The following LASP1 variants were observed in gnomAD, a reference collection of about 807,000 sequenced individuals.
LASP1 encodes the protein LIM and SH3 protein 1.
LASP1 carries 10 observed loss-of-function variants against 38.6 expected under a neutral mutation model. That is an observed-to-expected ratio of 0.26 (90% confidence interval 0.16 to 0.44). The LOEUF (loss-of-function observed/expected upper bound fraction) is 0.44, where lower values mean the gene tolerates loss of function less well. LASP1 is among the 20% of genes least tolerant of loss of function. The pLI, the probability that LASP1 is intolerant of heterozygous loss-of-function variation, is 1.00. For missense variants in LASP1, 243 were observed against 375.7 expected (o/e 0.65, Z 2.92); for synonymous variants, 132 against 140.8 (o/e 0.94, Z 0.44).
intron 4 of LASP1, among the ~76,000 whole-genome samples, chr17:38,908,478 C>T (rs990609256): frequency 1.3e-5 from 2 of 152,208 alleles, no homozygotes; most frequent in Non-Finnish European, 2.9e-5. Flanking sequence ...GTGAGAACAT[C>T]ACCTGGAGTG....
At chr17:38,870,421 T>C (rs1204792705) in intron 1 of LASP1, among the ~76,000 whole-genome samples, 163 bp downstream of exon 1, 5 of 152,150 alleles carry the variant, frequency 3.3e-5, no homozygotes, top group Non-Finnish European at 5.9e-5. Flanking sequence ...CATCCCAGTC[T>C]GAAAACCAGG....
chr17:38,903,466 C>T (rs1343270720), intron 4 of LASP1, among the ~76,000 whole-genome samples: 5 of 152,112 alleles, frequency 3.3e-5, no homozygotes, highest in African/African-American at 1.2e-4. Context: ...CACAAGTGGT[C>T]CTCTCCCGTC....
intron 3 of LASP1, 121 bp from the exon 4 acceptor site, chr17:38,898,291 A>G (rs1265684550): frequency 6.6e-6 from 4 of 610,106 alleles, no homozygotes; most frequent in South Asian, 4.0e-5. Flanking sequence ...ACTTCTGATC[A>G]GGGTCTTTCT....
chr17:38,880,805 TAAA>T (rs1913925985), intron 2 of LASP1, among the ~76,000 whole-genome samples: 1 of 152,146 alleles, frequency 6.6e-6, no homozygotes, highest in Non-Finnish European at 1.5e-5. Context: ...TCCCCATGGT[TAAA>T]AATTCCTGCC....
Position 38,919,246 on chromosome 17 carries a change from T to C in LASP1, c.*468T>C, listed in dbSNP as rs935807894. Reference sequence around the variant, plus strand: ...GGGATGGCGATGGGGACTCTGCCGCTGTGTAGGGACCAGTGGGATGGGCTC... The same window carrying C: ...GGGATGGCGATGGGGACTCTGCCGCCGTGTAGGGACCAGTGGGATGGGCTC... On this transcript the variant is annotated 3_prime_UTR_variant, in exon 7 of 7. Coordinates refer to ENST00000318008, the MANE Select transcript of LASP1 (RefSeq NM_006148.4). 1.2e-4 allele frequency: 30 copies of C among 257,560 alleles called. No homozygotes were observed. Among genetic ancestry groups the C allele is most frequent in the African/African-American group, 6.5e-4 (30 of 45,936 alleles). The allele number at this position is 257,560 out of a possible 1,614,324, so 16.0% of individuals were successfully genotyped here. A position where few individuals can be genotyped will look rare whatever the true frequency, so the allele number is the denominator to read the frequency against.
At chr17:38,891,942 G>A (rs1914338593) in intron 3 of LASP1, among the ~76,000 whole-genome samples, 1 of 151,514 alleles carries the variant, frequency 6.6e-6, no homozygotes, top group African/African-American at 2.4e-5. Context: ...AAAAAAAAAC[G>A]AGCAGAGATG....
chr17:38,895,178 A>T (rs1372424699), intron 3 of LASP1, among the ~76,000 whole-genome samples: 2 of 145,666 alleles, frequency 1.4e-5, no homozygotes, highest in African/African-American at 5.0e-5. Flanking sequence ...ATTTTTATTA[A>T]TTTTTTTTTT....
In LASP1 at chr17:38,919,086, GT is replaced by G. The variant is rs1205189003; in HGVS notation, c.*310del. The G allele has an allele frequency of 9.4e-6, 4 of 423,846 alleles. No homozygotes were observed. The East Asian group carries it at 1.7e-4, about 18-fold the overall frequency. The allele number at this position is 423,846 out of a possible 1,614,324, so 26.3% of individuals were successfully genotyped here. A position where few individuals can be genotyped will look rare whatever the true frequency, so the allele number is the denominator to read the frequency against. Reference sequence around the variant, plus strand: ...GCCTGTGGGCCTCACCTGCCCCTCTGTTCTCTCCCCTCACATCCTCCTGCCC... The same window carrying G: ...GCCTGTGGGCCTCACCTGCCCCTCTGTCTCTCCCCTCACATCCTCCTGCCC... On this transcript the variant is annotated 3_prime_UTR_variant, in exon 7 of 7. Transcript: ENST00000318008.
At chr17:38,902,346 C>T (rs1036552037) in intron 4 of LASP1, among the ~76,000 whole-genome samples, 2 of 150,546 alleles carry the variant, frequency 1.3e-5, no homozygotes, top group Non-Finnish European at 1.5e-5. Flanking sequence ...TAGGGGTGAG[C>T]CACCTCACCT....
rs1394699282 is a variant in LASP1 at position 38,920,732 on chromosome 17, T to C, written c.*1954T>C. On this transcript the variant is annotated 3_prime_UTR_variant, in exon 7 of 7. Transcript: ENST00000318008. ...CCTGCCTGACCCATCCCTTTTCCTT[T>C]CTGGCCCCAGCCTAGGTGGAGGCAA... 2 of 233,592 alleles carry C rather than the reference T, an allele frequency of 8.6e-6. No homozygotes were observed. The highest frequency in any genetic ancestry group is 1.2e-4 in the East Asian group (2 of 16,574). The allele number at this position is 233,592 out of a possible 1,614,324, so 14.5% of individuals were successfully genotyped here. A position where few individuals can be genotyped will look rare whatever the true frequency, so the allele number is the denominator to read the frequency against.
chr17:38,894,500 G>A (rs2143779164), intron 3 of LASP1, among the ~76,000 whole-genome samples: 1 of 152,278 alleles, frequency 6.6e-6, no homozygotes, highest in South Asian at 2.1e-4. Context: ...TCTGAATAAT[G>A]TGGATTACCT....
intron 4 of LASP1, 177 bp downstream of exon 4, chr17:38,898,696 C>T (rs756934383): frequency 4.5e-6 from 3 of 671,196 alleles, no homozygotes; most frequent in African/African-American, 3.5e-5. Flanking sequence ...TCTCTGTGTA[C>T]CCCCAGACCA....
chr17:38,895,857 G>T (rs1914473404), intron 3 of LASP1, among the ~76,000 whole-genome samples: 1 of 152,196 alleles, frequency 6.6e-6, no homozygotes, highest in Non-Finnish European at 1.5e-5. Context: ...GGTGTCAGGA[G>T]CCTCAGATGT....
intron 2 of LASP1, among the ~76,000 whole-genome samples, chr17:38,879,997 C>T (rs1046565882): frequency 2.6e-5 from 4 of 152,152 alleles, no homozygotes; most frequent in Admixed American, 6.5e-5. Context: ...TCTACTGTTC[C>T]TCTTCCCCCT....
chr17:38,884,019 G>A (rs542251197), intron 2 of LASP1, among the ~76,000 whole-genome samples: 46 of 151,492 alleles, frequency 3.0e-4, no homozygotes, highest in Non-Finnish European at 5.0e-4. Flanking sequence ...GGATGTGGGG[G>A]CTGTTTTTTT....
At chr17:38,880,209 C>G (rs549675695) in intron 2 of LASP1, among the ~76,000 whole-genome samples, 1 of 152,190 alleles carries the variant, frequency 6.6e-6, no homozygotes. Flanking sequence ...GAAGTCTGAC[C>G]GAGCCTTGGA....
At chr17:38,880,932 G>A (rs756523681) in intron 2 of LASP1, among the ~76,000 whole-genome samples, 15 of 152,012 alleles carry the variant, frequency 9.9e-5, no homozygotes, top group South Asian at 2.1e-4. Flanking sequence ...GGTGAAACTC[G>A]TCTCTACTAA....
intron 4 of LASP1, among the ~76,000 whole-genome samples, chr17:38,909,620 A>G (rs962624936): frequency 2.0e-5 from 3 of 151,794 alleles, no homozygotes; most frequent in Non-Finnish European, 2.9e-5. Flanking sequence ...AAAAAAAAAG[A>G]AAGAAAAGTG....
At chr17:38,900,842 G>A (rs138301112) in intron 4 of LASP1, among the ~76,000 whole-genome samples, 22 of 152,324 alleles carry the variant, frequency 1.4e-4, no homozygotes, top group African/African-American at 4.8e-4. Flanking sequence ...CCAACTTCCA[G>A]AGGCCTGTCA....
Sources: allele counts gnomAD v4.1 joint callset (sites outside exome capture counted in the v4.1 genomes callset), GRCh38; gene constraint gnomAD v4.1.1; transcripts MANE v1.5; gene names NCBI Gene and HGNC (gene_info 2026-07-23, HGNC 2026-07-21).